Variants in NUTM1 observed in about 807,000 individuals in gnomAD.
NUTM1 encodes NUT midline carcinoma family member 1, also known as NUT family member 1.
A neutral mutation model predicts 88.7 loss-of-function variants in NUTM1; 39 were observed. The ratio of observed to expected loss-of-function variants is 0.44; its 90% CI spans 0.34 to 0.57. The LOEUF is 0.57. Among genes scored for constraint, NUTM1 ranks in the 20% least tolerant of loss-of-function variants. The pLI is 0.01. For synonymous variants in NUTM1, 494 were observed against 538.0 expected (o/e 0.92, Z 1.13); for missense variants, 1,350 against 1,414.5 (o/e 0.95, Z 0.73).
chr15:34,344,221 T>A (rs1890540442), intron 1 of NUTM1, among the ~76,000 whole-genome samples: 2 of 126,976 alleles, frequency 1.6e-5, no homozygotes, highest in African/African-American at 3.1e-5. Context: ...GAAAAAAAAA[T>A]ATGGTTTGTG....
chr15:34,352,588 G>A (rs1274965432), intron 4 of NUTM1, among the ~76,000 whole-genome samples: 1 of 150,370 alleles, frequency 6.7e-6, no homozygotes, highest in Non-Finnish European at 1.5e-5. Flanking sequence ...CATGAAGTCA[G>A]GAGATTGAGA....
At chr15:34,345,853 G>C in intron 1 of NUTM1, 89 bp from the exon 2 acceptor site, 1 of 1,521,750 alleles carries the variant, frequency 6.6e-7, no homozygotes, top group Non-Finnish European at 8.8e-7. Context: ...CTCCCCCACA[G>C]CAGAATGCCT....
intron 1 of NUTM1, among the ~76,000 whole-genome samples, chr15:34,344,781 G>A (rs997771915): frequency 6.6e-6 from 1 of 152,184 alleles, no homozygotes; most frequent in East Asian, 1.9e-4. Flanking sequence ...CACTTTGGGA[G>A]GCTGAGGCGG....
Position 34,348,542 on chromosome 15 carries a change from A to C in NUTM1, c.674A>C (p.Lys225Thr). 1 of 1,614,076 alleles carries C rather than the reference A, an allele frequency of 6.2e-7. No individual in the cohort carries two copies. The highest frequency in any genetic ancestry group is 8.5e-7 in the Non-Finnish European group (1 of 1,180,020). Residue 225 changes from lysine to threonine, a missense_variant, in exon 3 of 8, where the codon AAG becomes ACG. Coordinates refer to ENST00000537011, the MANE Select transcript of NUTM1 (RefSeq NM_001284292.2). ...GEGGPVATLSKPSLGDRSKIS... is the reference protein window; with the variant it reads ...GEGGPVATLSTPSLGDRSKIS... Reference sequence around the variant, plus strand: ...GGAGGTCCTGTGGCCACTCTATCCAAGCCTTCCCTAGGTGACCGCTCCAAA... The same window carrying C: ...GGAGGTCCTGTGGCCACTCTATCCACGCCTTCCCTAGGTGACCGCTCCAAA...
intron 5 of NUTM1, 91 bp downstream of exon 5, chr15:34,353,963 C>G: frequency 7.3e-7 from 1 of 1,377,254 alleles, no homozygotes; most frequent in Admixed American, 1.9e-5. Context: ...AGGCATAGCC[C>G]AGGCTCTGCC....
chr15:34,351,760 C>T (rs561949412), intron 4 of NUTM1, among the ~76,000 whole-genome samples: 8 of 152,164 alleles, frequency 5.3e-5, no homozygotes, highest in East Asian at 1.9e-4. Flanking sequence ...AATCCCTTTC[C>T]GCCTTTATCC....
rs775073763 is a variant in NUTM1, at chr15:34,346,010, A to G, written c.75A>G (p.Lys25=). ...CCAGACAGCCACAGTTAGTGCCCAA[A>G]CCTGAGAGGATGGCTTCAGATGGAG... ...EASRQPQLVP[K]PERMASDGAS... The change falls in exon 2 of 8, where the codon AAA becomes AAG. Residue 25 remains lysine (K), a synonymous_variant. Transcript: ENST00000537011. 2.5e-5 allele frequency: 40 copies of G among 1,614,122 alleles called. No homozygotes were observed. Among genetic ancestry groups the G allele is most frequent in the Non-Finnish European group, 3.1e-5 (36 of 1,180,028 alleles).
At chr15:34,349,141 C>G (rs1031191495) in intron 3 of NUTM1, among the ~76,000 whole-genome samples, 1 of 152,152 alleles carries the variant, frequency 6.6e-6, no homozygotes, top group Non-Finnish European at 1.5e-5. Context: ...AGGCAAAGGA[C>G]TTTGTGTGTG....
intron 4 of NUTM1, among the ~76,000 whole-genome samples, chr15:34,351,227 CAAAAAAAAAAAAAAAAAAA>C (rs397853945): frequency 9.9e-4 from 34 of 34,464 alleles, no homozygotes; most frequent in Non-Finnish European, 1.2e-3. Flanking sequence ...GACTCCATCT[CAAAAAAAAAAAAAAAAAAA>C]AAAAAAAAAA....
Position 34,347,713 on chromosome 15 carries a change from C to T in NUTM1, c.101-256C>T, listed in dbSNP as rs570825159. On this transcript the variant is annotated intron_variant, in intron 2 of 7. Coordinates refer to ENST00000537011, the MANE Select transcript of NUTM1 (RefSeq NM_001284292.2). ...TTAAAAATACAAAAAGTTAGCCGGG[C>T]GTGGTGGTGGGCGTCTGTAGTCCCA... is the stretch of plus-strand genomic sequence containing the variant. Among the ~76,000 whole-genome samples the T allele has an allele frequency of 1.1e-4, 16 of 152,040 alleles. No individual in the cohort carries two copies. In the South Asian group the frequency reaches 1.9e-3, roughly 18 times the overall value.
rs1177157804 is a variant in NUTM1 at position 34,357,553 on chromosome 15, T to C, written c.*62T>C. ...CTAAAGGTGGGTGCCCCAGAGTAGA[T>C]TCCACCCCTGCTGCCCACCAATGGA... On this transcript the variant is annotated 3_prime_UTR_variant, in exon 8 of 8. Transcript: ENST00000537011. 1 of 1,608,624 alleles carries C rather than the reference T, an allele frequency of 6.2e-7. No homozygotes were observed. Among genetic ancestry groups the C allele is most frequent in the Non-Finnish European group, 8.5e-7 (1 of 1,179,854 alleles).
rs757057110 is a variant in NUTM1, at chr15:34,356,248, G to T, written c.2240G>T (p.Ser747Ile). 1 of 1,609,290 alleles carries T rather than the reference G, an allele frequency of 6.2e-7. No homozygotes were observed. The highest frequency in any genetic ancestry group is 1.1e-5 in the South Asian group (1 of 90,620). Reference protein sequence around the residue: ...AAGERDDVCLSPGVWLSSEMD... With the variant: ...AAGERDDVCLIPGVWLSSEMD... The stretch of plus-strand genomic sequence containing the variant: ...GGGGAGAGGGACGATGTCTGTCTCA[G>T]CCCAGGAGTTTGGCTGAGCAGTGAG... The change falls in exon 8 of 8, where the codon AGC becomes ATC. Residue 747 changes from serine to isoleucine, a missense_variant. Ser to Ile is a moderately radical substitution (Grantham distance 142). This residue lies in a region of NUTM1 where 730 missense variants were observed against 728.8 expected (regional missense o/e 1.00). Transcript: ENST00000537011.
At position 34,356,590 on chromosome 15, in the gene NUTM1, G is replaced by C; in HGVS notation, c.2582G>C (p.Ser861Thr). ...AGCTGTGAAACCGTAGGGCATCCCA[G>C]TGATCTGTGGGCAGAAGGTTGCTTC... ...EQSCETVGHP[S>T]DLWAEGCFPL... The change falls in exon 8 of 8, where the codon AGT (serine) becomes ACT (threonine). Residue 861 changes from serine (S) to threonine (T), a missense_variant. This residue lies in a region of NUTM1 where 730 missense variants were observed against 728.8 expected (regional missense o/e 1.00). Transcript: ENST00000537011. The C allele has an allele frequency of 6.2e-7, 1 of 1,614,022 alleles. No homozygotes were observed. Among genetic ancestry groups the C allele is most frequent in the Non-Finnish European group, 8.5e-7 (1 of 1,180,000 alleles).
At chr15:34,343,852 T>C (rs910830265) in intron 1 of NUTM1, 150 bp downstream of exon 1, 4 of 666,258 alleles carry the variant, frequency 6.0e-6, no homozygotes, top group Non-Finnish European at 9.9e-6. Context: ...GTTACGCCAT[T>C]ATTTACAATG....
Position 34,355,873 on chromosome 15 carries a change from C to G in NUTM1, c.1865C>G (p.Ser622Cys). The G allele has an allele frequency of 6.2e-7, 1 of 1,613,898 alleles. No individual in the cohort carries two copies. The highest frequency in any genetic ancestry group is 8.5e-7 in the Non-Finnish European group (1 of 1,179,966). The change falls in exon 8 of 8, where the codon TCT (serine) becomes TGT (cysteine). Residue 622 changes from serine to cysteine, a missense_variant. By Grantham distance (112) the Ser-to-Cys change is moderately radical (BLOSUM62 -1). Coordinates refer to ENST00000537011, the MANE Select transcript of NUTM1 (RefSeq NM_001284292.2). The surrounding 1 kb of genome is among the most constrained non-coding windows in gnomAD (Gnocchi z 4.3). ...RGSGKVINQVSLHQDGHLGGA... is the reference protein window; with the variant it reads ...RGSGKVINQVCLHQDGHLGGA... ...TCTGGGAAGGTTATAAACCAGGTAT[C>G]TCTACATCAGGATGGCCATCTAGGA...
Position 34,357,082 on chromosome 15 carries a change from C to T in NUTM1, c.3074C>T (p.Ala1025Val). The T allele has an allele frequency of 1.2e-6, 2 of 1,614,032 alleles. No homozygotes were observed. Among genetic ancestry groups the T allele is most frequent in the South Asian group, 2.2e-5 (2 of 91,070 alleles). The change falls in exon 8 of 8, where the codon GCA (alanine) becomes GTA (valine). Residue 1025 changes from alanine (A) to valine (V), a missense_variant. Ala to Val is a moderately conservative substitution (Grantham distance 64, BLOSUM62 0). This residue lies in a region of NUTM1 where 730 missense variants were observed against 728.8 expected (regional missense o/e 1.00). Transcript: ENST00000537011. Reference protein sequence around the residue: ...ETSVSKTHRSADRAKGKEKKK... With the variant: ...ETSVSKTHRSVDRAKGKEKKK... Reference sequence around the variant, plus strand: ...TCTGTTAGTAAAACACACAGGTCAGCAGACAGGGCCAAAGGAAAGGAGAAA... The same window carrying T: ...TCTGTTAGTAAAACACACAGGTCAGTAGACAGGGCCAAAGGAAAGGAGAAA...
Position 34,348,513 on chromosome 15 carries a change from G to T in NUTM1, c.645G>T (p.Gly215=). 6.2e-7 allele frequency: 1 copy of T among 1,614,192 alleles called. No individual in the cohort carries two copies. Among genetic ancestry groups the T allele is most frequent in the Non-Finnish European group, 8.5e-7 (1 of 1,180,024 alleles). ...KAWPGPHGTT[G]EGGPVATLSK... ...GGCCAGGGCCACATGGGACAACCGG[G>T]GAAGGAGGTCCTGTGGCCACTCTAT... The change falls in exon 3 of 8, where the codon GGG becomes GGT. Residue 215 remains glycine, a synonymous_variant. Transcript: ENST00000537011.
chr15:34,348,443 C>A lies in NUTM1; in HGVS notation c.575C>A (p.Pro192Gln). 1.2e-6 allele frequency: 2 copies of A among 1,614,136 alleles called. No homozygotes were observed. The highest frequency in any genetic ancestry group is 4.5e-5 in the East Asian group (2 of 44,884). The change falls in exon 3 of 8, where the codon CCA becomes CAA. Residue 192 changes from proline (P) to glutamine (Q), a missense_variant. Around this residue, in one of 5 missense-constraint regions of NUTM1, gnomAD observed 399 missense variants for 397.9 expected, o/e 1.00. Coordinates refer to ENST00000537011, the MANE Select transcript of NUTM1 (RefSeq NM_001284292.2). ...GPPGLPPQPP[P>Q]PVAQLVPIVP... The stretch of plus-strand genomic sequence containing the variant: ...CCAGGCCTTCCGCCTCAGCCTCCAC[C>A]ACCAGTTGCTCAACTGGTCCCCATT...
chr15:34,346,753 C>T (rs1472681093), intron 2 of NUTM1, among the ~76,000 whole-genome samples: 1 of 146,832 alleles, frequency 6.8e-6, no homozygotes, highest in African/African-American at 2.5e-5. Flanking sequence ...TGTGGTGGTT[C>T]GTGCCTGTAA....
Sources: allele counts gnomAD v4.1 joint callset (sites outside exome capture counted in the v4.1 genomes callset), GRCh38; gene constraint gnomAD v4.1.1; regional missense constraint gnomAD v4.1.1; non-coding constraint Gnocchi (gnomAD v3.1); transcripts MANE v1.5; gene names NCBI Gene and HGNC (gene_info 2026-07-23, HGNC 2026-07-21).